PNPLA7: variants seen among roughly 807,000 people sequenced by gnomAD.
PNPLA7 encodes the protein patatin like domain 7, lysophospholipase, also known as patatin-like phospholipase domain-containing protein 7.
A neutral mutation model predicts 161.7 loss-of-function variants in PNPLA7; 153 were observed. That is an observed-to-expected ratio of 0.95 (90% CI 0.83 to 1.08). PNPLA7 has a LOEUF of 1.08. PNPLA7 is among the 50% of genes least tolerant of loss of function. PNPLA7 has a pLI of 0.00. For synonymous variants in PNPLA7, 809 were observed against 782.1 expected, an observed-to-expected ratio of 1.03 and a Z score of -0.57; for missense variants, 1,739 against 1,856.6, an observed-to-expected ratio of 0.94 and a Z score of 1.16.
At chr9:137,507,464 G>A (rs1486855814) in intron 12 of PNPLA7, among the ~76,000 whole-genome samples, 1 of 152,168 alleles carries the variant, frequency 6.6e-6, no homozygotes, top group Non-Finnish European at 1.5e-5. Flanking sequence ...AAGGTTGGGG[G>A]TTCGAGACCA....
Position 137,523,761 on chromosome 9 carries a change from G to A in PNPLA7, c.748-904C>T, listed in dbSNP as rs1276522808. Among the ~76,000 whole-genome samples the A allele has an allele frequency of 6.6e-6, 1 of 152,026 alleles. No individual in the cohort carries two copies. Among genetic ancestry groups the A allele is most frequent in the Non-Finnish European group, 1.5e-5 (1 of 68,022 alleles). ...CCTGCCTCAGCCTCCACAGTAGCTG[G>A]GGCTACAAGCGCCCGCCACCACGCC... On this transcript the variant is annotated intron_variant, in intron 8 of 34. Transcript: ENST00000406427. This position sits in a 1 kb window ranked among gnomAD's most constrained non-coding sequence, Gnocchi z 4.4.
intron 15 of PNPLA7, 22 bp downstream of exon 15, chr9:137,501,628 C>A (rs1347553416): frequency 1.9e-6 from 3 of 1,606,808 alleles, no homozygotes; most frequent in African/African-American, 2.7e-5. Context: ...GTCCCAGTGC[C>A]CCCCCCCAGA....
chr9:137,512,776 CA>C (rs1253754072), intron 12 of PNPLA7, among the ~76,000 whole-genome samples: 1 of 150,214 alleles, frequency 6.7e-6, no homozygotes, highest in African/African-American at 2.5e-5. Context: ...ACCCTCTCTA[CA>C]GGAAACAAGA....
rs532073256 is a variant in PNPLA7 at position 137,537,485 on chromosome 9, T to C, written c.747+3157A>G. ...GGCACCCGCCACCACACCCAGCTAA[T>C]TTTTGTATTTTTAGTAGGGATGGGT... On this transcript the variant is annotated intron_variant, in intron 8 of 34. Coordinates refer to ENST00000406427, the MANE Select transcript of PNPLA7 (RefSeq NM_001098537.3). This position sits in a 1 kb window ranked among gnomAD's most constrained non-coding sequence, Gnocchi z 4.5. Among the ~76,000 whole-genome samples, 4 of 152,224 alleles carry C rather than the reference T, an allele frequency of 2.6e-5. No individual in the cohort carries two copies. The highest frequency in any genetic ancestry group is 9.6e-5 in the African/African-American group (4 of 41,526).
chr9:137,512,516 G>A (rs769871392), intron 12 of PNPLA7, among the ~76,000 whole-genome samples: 14 of 152,238 alleles, frequency 9.2e-5, no homozygotes, highest in Non-Finnish European at 2.1e-4. Flanking sequence ...GAGCATGAAC[G>A]GGGCTTGCAG....
intron 33 of PNPLA7, chr9:137,461,014 C>G: frequency 2.2e-6 from 1 of 447,104 alleles, no homozygotes; most frequent in Non-Finnish European, 4.1e-6. Context: ...ACCCTGAGGG[C>G]TCCAGCACCC....
chr9:137,485,321 C>A (rs1459602077), intron 20 of PNPLA7, among the ~76,000 whole-genome samples: 1 of 151,800 alleles, frequency 6.6e-6, no homozygotes, highest in Non-Finnish European at 1.5e-5. Flanking sequence ...GTAAACCAGA[C>A]AAACGCTGCA....
intron 20 of PNPLA7, among the ~76,000 whole-genome samples, chr9:137,488,723 C>T (rs932751000): frequency 1.5e-5 from 2 of 133,240 alleles, no homozygotes; most frequent in Non-Finnish European, 3.2e-5. Flanking sequence ...CATCCCCCCC[C>T]AACTGTGCAC....
chr9:137,542,650 G>C lies in PNPLA7; in HGVS notation c.658C>G (p.Gln220Glu). The C allele has an allele frequency of 6.2e-7, 1 of 1,608,004 alleles. No homozygotes were observed. The highest frequency in any genetic ancestry group is 8.5e-7 in the Non-Finnish European group (1 of 1,176,626). ...VQDGRLEVCI[Q>E]DTDGTEVVVK... ...GCCGCCCTGCGACTCACAGTGTCCT[G>C]GATGCAGACCTCCAGCCGCCCGTCC... Residue 220 changes from glutamine to glutamate, a missense_variant, in exon 7 of 35, where the codon CAG becomes GAG. Coordinates refer to ENST00000406427, the MANE Select transcript of PNPLA7 (RefSeq NM_001098537.3).
In PNPLA7 at chr9:137,520,456, G is replaced by C. The variant is rs554947538; in HGVS notation, c.958-413C>G. ...CTTCATTAAAACAAAAGATAATGTA[G>C]AAAACAAAAAGATATTCCCTTAATG... On this transcript the variant is annotated intron_variant, in intron 10 of 34. Coordinates refer to ENST00000406427, the MANE Select transcript of PNPLA7 (RefSeq NM_001098537.3). This position sits in a 1 kb window ranked among gnomAD's most constrained non-coding sequence, Gnocchi z 5.2. Among the ~76,000 whole-genome samples, 1 of 152,216 alleles carries C rather than the reference G, an allele frequency of 6.6e-6. No homozygotes were observed. The highest frequency in any genetic ancestry group is 2.4e-5 in the African/African-American group (1 of 41,550).
chr9:137,484,695 A>T lies in PNPLA7; in HGVS notation c.2239T>A (p.Leu747Met). ...GACAGGTTGACAGCCGGGTTCCCCA[A>T]GTCCCACTTGCTGCCCTCCGTGGGG... The part of the protein sequence containing the change: ...GLPTEGSKWD[L>M]GNPAVNLSTV... Residue 747 changes from leucine (L) to methionine (M), a missense_variant, in exon 21 of 35, where the codon TTG (leucine) becomes ATG (methionine). By Grantham distance (15) the Leu-to-Met change is conservative. Transcript: ENST00000406427. The T allele has an allele frequency of 6.2e-7, 1 of 1,612,346 alleles. No homozygotes were observed.
intron 1 of PNPLA7, among the ~76,000 whole-genome samples, chr9:137,548,100 C>T (rs866279118): frequency 1.3e-5 from 2 of 152,182 alleles, no homozygotes; most frequent in Non-Finnish European, 2.9e-5. Context: ...AAGGAGGCAG[C>T]GGCCGAGAAG....
chr9:137,527,935 T>C (rs1352219833), intron 8 of PNPLA7, among the ~76,000 whole-genome samples: 6 of 152,262 alleles, frequency 3.9e-5, no homozygotes, highest in African/African-American at 1.4e-4. Context: ...TCTTTAGTAG[T>C]AGCCATTCAG....
chr9:137,513,802 A>T (rs994178451), intron 12 of PNPLA7, among the ~76,000 whole-genome samples: 3 of 152,254 alleles, frequency 2.0e-5, no homozygotes, highest in Admixed American at 2.0e-4. Context: ...ACCTCTACCT[A>T]CAGCACATAA....
rs201880268 is a variant in PNPLA7 at position 137,547,569 on chromosome 9, A to G, written c.105+16T>C. 352 of 1,612,998 alleles carry G rather than the reference A, an allele frequency of 2.2e-4. No homozygotes were observed. In the East Asian group the frequency reaches 7.0e-3, roughly 32 times the overall value. On this transcript the variant is annotated intron_variant, in intron 2 of 34. Transcript: ENST00000406427. This position sits in a 1 kb window ranked among gnomAD's most constrained non-coding sequence, Gnocchi z 4.6. ...GCCCATCCAGGTCTGGCTCCAGGGA[A>G]GCGTGAGGTGATTACCATGGTGGAC...
At chr9:137,472,778 AACCCGGTCTCT>A (rs1831767579) in intron 25 of PNPLA7, among the ~76,000 whole-genome samples, 1 of 151,850 alleles carries the variant, frequency 6.6e-6, no homozygotes, top group South Asian at 2.1e-4. Context: ...AACATGGTGA[AACCCGGTCTCT>A]ACTAAAAATA....
intron 14 of PNPLA7, among the ~76,000 whole-genome samples, chr9:137,502,459 C>G (rs1833492231): frequency 6.7e-6 from 1 of 149,792 alleles, no homozygotes; most frequent in South Asian, 2.1e-4. Flanking sequence ...CACATGTCGC[C>G]AAAAGTTTGT....
intron 25 of PNPLA7, among the ~76,000 whole-genome samples, chr9:137,474,938 G>A (rs901341139): frequency 7.0e-6 from 1 of 142,550 alleles, no homozygotes; most frequent in African/African-American, 2.7e-5. Flanking sequence ...GGAGAATGGC[G>A]TGAACCTGGG....
intron 16 of PNPLA7, among the ~76,000 whole-genome samples, chr9:137,498,887 C>A (rs1165480463): frequency 6.6e-6 from 1 of 152,150 alleles, no homozygotes; most frequent in East Asian, 1.9e-4. Context: ...GAGCCACAGG[C>A]AGGTGGAGCT....
Sources: gnomAD v4.1 joint callset for allele counts (sites outside exome capture counted in the v4.1 genomes callset) on GRCh38, gnomAD v4.1.1 for gene constraint, Gnocchi (gnomAD v3.1) non-coding constraint, MANE v1.5 for transcripts, NCBI Gene and HGNC (gene_info 2026-07-23, HGNC 2026-07-21) for gene names.